The following VPS41 variants were observed in gnomAD, a reference collection of about 807,000 sequenced individuals.
VPS41 encodes VPS41 subunit of HOPS complex, also known as vacuolar protein sorting-associated protein 41 homolog.
A neutral mutation model predicts 130.9 loss-of-function variants in VPS41; 85 were observed. That is an observed-to-expected ratio of 0.65 (90% CI 0.55 to 0.78). The LOEUF is 0.78. Among genes scored for constraint, VPS41 ranks in the 30% least tolerant of loss-of-function variants. The pLI, the probability that VPS41 is intolerant of heterozygous loss-of-function variation, is 0.00. For missense variants in VPS41, 874 were observed against 1,018.7 expected (o/e 0.86, Z 1.93); for synonymous variants, 335 against 332.9 (o/e 1.01, Z -0.07).
intron 4 of VPS41, among the ~76,000 whole-genome samples, chr7:38,831,793 T>C (rs1785391497): frequency 6.6e-6 from 1 of 152,190 alleles, no homozygotes; most frequent in Non-Finnish European, 1.5e-5. Context: ...ATGTGAGTGG[T>C]CTAAAGCCAC....
chr7:38,905,811 G>T (rs1039473061), intron 1 of VPS41, among the ~76,000 whole-genome samples: 1 of 152,012 alleles, frequency 6.6e-6, no homozygotes, highest in African/African-American at 2.4e-5. Flanking sequence ...GTTTGTTTTT[G>T]AGATGGAGTC....
At chr7:38,743,872 G>A (rs1795935046) in intron 23 of VPS41, among the ~76,000 whole-genome samples, 1 of 152,098 alleles carries the variant, frequency 6.6e-6, no homozygotes, top group Non-Finnish European at 1.5e-5. Context: ...AGATCATACA[G>A]CTACTAAATA....
At position 38,819,822 on chromosome 7, in the gene VPS41, C is replaced by CT. The variant is rs375646002; in HGVS notation, c.384+1380dup. On this transcript the variant is annotated intron_variant, in intron 6 of 28. Coordinates refer to ENST00000310301, the MANE Select transcript of VPS41 (RefSeq NM_014396.4). ...AGTGTTCCAGAATTTCACCATCAGT[C>CT]TTCTCTTCTCACTCTACAGCTCTAA... is the stretch of plus-strand genomic sequence containing the variant. Among the ~76,000 whole-genome samples the CT allele has an allele frequency of 7.7e-3, 1,174 of 152,252 alleles. 18 individuals are homozygous for CT. Among genetic ancestry groups the CT allele is most frequent in the African/African-American group, 0.026 (1,074 of 41,540 alleles).
chr7:38,849,590 T>A (rs1332396542), intron 4 of VPS41, among the ~76,000 whole-genome samples: 1 of 152,230 alleles, frequency 6.6e-6, no homozygotes, highest in Non-Finnish European at 1.5e-5. Flanking sequence ...TGTGTTGTTC[T>A]ACCAGTTGAT....
At chr7:38,796,621 C>G (rs1784625531) in intron 8 of VPS41, 124 bp downstream of exon 8, 27 of 1,431,310 alleles carry the variant, frequency 1.9e-5, no homozygotes, top group Non-Finnish European at 2.6e-5. Context: ...TACCAATCGT[C>G]CTTACACCCT....
rs142383262 is a variant in VPS41 at position 38,733,785 on chromosome 7, T to C, written c.2260-4994A>G. 4.5e-3 allele frequency among the ~76,000 whole-genome samples: 690 copies of C among 152,304 alleles called. 5 individuals are homozygous for C. The highest frequency in any genetic ancestry group is 8.2e-3 in the Non-Finnish European group (555 of 68,034). On this transcript the variant is annotated intron_variant, in intron 25 of 28. Coordinates refer to ENST00000310301, the MANE Select transcript of VPS41 (RefSeq NM_014396.4). The stretch of plus-strand genomic sequence containing the variant: ...GTAACCTATGTCTCTTATTAGAGTA[T>C]CACTGACAATCGGATGGTTGTGGTA...
intron 10 of VPS41, among the ~76,000 whole-genome samples, chr7:38,780,259 T>G (rs555094024): frequency 5.3e-5 from 8 of 151,274 alleles, no homozygotes; most frequent in South Asian, 2.1e-4. Flanking sequence ...TGGCTTTACT[T>G]CAGATCAAGG....
At chr7:38,784,122 ATAT>A (rs1445002683) in intron 10 of VPS41, among the ~76,000 whole-genome samples, 1 of 152,206 alleles carries the variant, frequency 6.6e-6, no homozygotes, top group Non-Finnish European at 1.5e-5. Context: ...TATAATACTA[ATAT>A]TAATAATAGC....
At chr7:38,833,165 C>A (rs952401107) in intron 4 of VPS41, among the ~76,000 whole-genome samples, 1 of 152,162 alleles carries the variant, frequency 6.6e-6, no homozygotes, top group Non-Finnish European at 1.5e-5. Context: ...CAGACTCGGA[C>A]CACATTTCAC....
intron 8 of VPS41, among the ~76,000 whole-genome samples, chr7:38,796,194 T>C (rs964219525): frequency 6.6e-5 from 10 of 152,340 alleles, no homozygotes; most frequent in Middle Eastern, 6.8e-3. Flanking sequence ...TACTAAATTA[T>C]ACCTTGATGT....
At chr7:38,752,815 C>T in intron 21 of VPS41, among the ~76,000 whole-genome samples, 1 of 152,174 alleles carries the variant, frequency 6.6e-6, no homozygotes, top group East Asian at 1.9e-4. Flanking sequence ...GGGACAAGCA[C>T]ATATTCTTAA....
At chr7:38,769,581 G>A (rs1467268507) in intron 14 of VPS41, among the ~76,000 whole-genome samples, 1 of 151,972 alleles carries the variant, frequency 6.6e-6, no homozygotes, top group East Asian at 1.9e-4. Flanking sequence ...CCTTCCACAG[G>A]GTATCTCTAT....
At chr7:38,739,208 T>C (rs1288760763) in intron 25 of VPS41, among the ~76,000 whole-genome samples, 1 of 152,170 alleles carries the variant, frequency 6.6e-6, no homozygotes, top group African/African-American at 2.4e-5. Flanking sequence ...CATTACTGAA[T>C]GGTTCTTGAT....
chr7:38,868,224 T>C (rs1335349171), intron 3 of VPS41, among the ~76,000 whole-genome samples: 1 of 152,156 alleles, frequency 6.6e-6, no homozygotes. Context: ...AGTTGGAGAA[T>C]GGCAGCAATG....
chr7:38,894,435 G>C (rs1354010717), intron 2 of VPS41, among the ~76,000 whole-genome samples: 1 of 151,758 alleles, frequency 6.6e-6, no homozygotes, highest in Non-Finnish European at 1.5e-5. Flanking sequence ...GAGGCAGCGG[G>C]GGGCACGGAG....
chr7:38,795,489 A>G lies in VPS41; in HGVS notation c.693T>C (p.Ile231=). The change falls in exon 9 of 29, where the codon ATT becomes ATC. Residue 231 remains isoleucine (I), a synonymous_variant. Coordinates refer to ENST00000310301, the MANE Select transcript of VPS41 (RefSeq NM_014396.4). ...SLCWKDNVTL[I]IGWGTSVKVC... ...CCTTGACAGAAGTCCCCCAGCCAAT[A>G]ATCAGTGTCACATTGTCCTTCCAGC... 1 of 1,612,572 alleles carries G rather than the reference A, an allele frequency of 6.2e-7. No homozygotes were observed. The highest frequency in any genetic ancestry group is 8.5e-7 in the Non-Finnish European group (1 of 1,179,212).
intron 4 of VPS41, among the ~76,000 whole-genome samples, chr7:38,857,658 G>C (rs562363230): frequency 1.7e-4 from 26 of 152,232 alleles, no homozygotes; most frequent in African/African-American, 5.8e-4. Flanking sequence ...GTCAACAAGA[G>C]ACCACATATA....
intron 4 of VPS41, among the ~76,000 whole-genome samples, chr7:38,845,478 T>C (rs1460971179): frequency 6.6e-6 from 1 of 152,136 alleles, no homozygotes; most frequent in Non-Finnish European, 1.5e-5. Context: ...GAACAGCAAA[T>C]CTAGAGTTGG....
chr7:38,907,534 T>C (rs1399492157), intron 1 of VPS41, among the ~76,000 whole-genome samples: 7 of 152,218 alleles, frequency 4.6e-5, no homozygotes, highest in South Asian at 2.1e-4. Context: ...ATTTACCTCA[T>C]AGAATTCTTT....
Sources: allele counts gnomAD v4.1 joint callset (sites outside exome capture counted in the v4.1 genomes callset), GRCh38; gene constraint gnomAD v4.1.1; transcripts MANE v1.5; gene names NCBI Gene and HGNC (gene_info 2026-07-23, HGNC 2026-07-21).